Variants in PCDHA3 observed in about 807,000 individuals in gnomAD.
PCDHA3 encodes protocadherin alpha 3.
In PCDHA3, 41 loss-of-function variants were observed where a neutral mutation model predicts 62.2. The ratio of observed to expected loss-of-function variants is 0.66; its 90% confidence interval spans 0.51 to 0.86. The LOEUF (loss-of-function observed/expected upper bound fraction) is 0.86, where lower values mean the gene tolerates loss of function less well. Ranked by LOEUF, PCDHA3 falls within the 40% of genes least tolerant of loss-of-function variation. PCDHA3 has a pLI of 0.00. For synonymous variants in PCDHA3, 640 were observed against 555.4 expected (o/e 1.15, Z -2.14); for missense variants, 1,304 against 1,241.2 (o/e 1.05, Z -0.76).
chr5:140,864,439 T>A (rs2048478325), intron 1 of PCDHA3: 1 of 152,242 alleles, frequency 6.6e-6, no homozygotes, highest in South Asian at 2.1e-4. Flanking sequence ...CAATTTTGTT[T>A]CTTCATGATC....
rs2098419434 is a variant in PCDHA3, at chr5:141,011,100, CT to C, written c.*1164del. ...AAATGATCTCTCTTTCTCTCTCTCT[CT>C]CTCTTTTCTAAGAAACAATTATGTG... On this transcript the variant is annotated 3_prime_UTR_variant, in exon 4 of 4. Coordinates refer to ENST00000522353, the MANE Select transcript of PCDHA3 (RefSeq NM_018906.3). The C allele has an allele frequency of 1.3e-5, 2 of 153,772 alleles. No individual in the cohort carries two copies. Among genetic ancestry groups the C allele is most frequent in the Admixed American group, 6.5e-5 (1 of 15,290 alleles). The allele number at this position is 153,772 out of a possible 1,614,324, so 9.5% of individuals were successfully genotyped here.
In PCDHA3 at chr5:140,803,609, A is replaced by G. The variant is rs1554122900; in HGVS notation, c.2394+18A>G. Reference sequence around the variant, plus strand: ...CAGCCAAAGTGAGTAATTTTTATTTATTCTTTCCAAAATGTCTTTGTTTTT... The same window carrying G: ...CAGCCAAAGTGAGTAATTTTTATTTGTTCTTTCCAAAATGTCTTTGTTTTT... On this transcript the variant is annotated intron_variant, in intron 1 of 3. Coordinates refer to ENST00000522353, the MANE Select transcript of PCDHA3 (RefSeq NM_018906.3). 1 of 1,613,950 alleles carries G rather than the reference A, an allele frequency of 6.2e-7. No homozygotes were observed. Among genetic ancestry groups the G allele is most frequent in the Admixed American group, 1.7e-5 (1 of 59,980 alleles).
chr5:140,827,082 CTA>C (rs1169627536), intron 1 of PCDHA3, among the ~76,000 whole-genome samples: 2 of 152,100 alleles, frequency 1.3e-5, no homozygotes, highest in African/African-American at 2.4e-5. Context: ...ATTTAACAAA[CTA>C]TTTTCTAGGA....
Position 140,910,016 on chromosome 5 carries a change from G to C in PCDHA3, c.2395-68933G>C, listed in dbSNP as rs375687025. Among the ~76,000 whole-genome samples the C allele has an allele frequency of 3.5e-4, 54 of 152,290 alleles. No individual in the cohort carries two copies. The South Asian group carries it at 0.011, about 32-fold the overall frequency. ...ATAAATTGTTGTCAGTGTCATCCTT[G>C]TATCCCTGGGATAAATCCCACTTGG... On this transcript the variant is annotated intron_variant, in intron 1 of 3. Coordinates refer to ENST00000522353, the MANE Select transcript of PCDHA3 (RefSeq NM_018906.3).
intron 1 of PCDHA3, chr5:140,808,552 C>T: frequency 2.5e-6 from 4 of 1,614,114 alleles, no homozygotes; most frequent in Non-Finnish European, 2.5e-6. Flanking sequence ...CTCCGGCGTT[C>T]GCGCAGCCCG....
intron 3 of PCDHA3, among the ~76,000 whole-genome samples, chr5:140,983,386 A>G (rs1426409765): frequency 2.6e-5 from 4 of 152,216 alleles, no homozygotes. Context: ...TCGCTGTGGC[A>G]GTTTTCAGAA....
At chr5:140,993,917 A>G (rs779939413) in intron 3 of PCDHA3, among the ~76,000 whole-genome samples, 1 of 152,190 alleles carries the variant, frequency 6.6e-6, no homozygotes, top group Admixed American at 6.5e-5. Flanking sequence ...CTAGTGATGC[A>G]TTTCTCAGAA....
chr5:140,853,370 G>T lies in PCDHA3; in HGVS notation c.2394+49779G>T, dbSNP rs1365315114. On this transcript the variant is annotated intron_variant, in intron 1 of 3. Coordinates refer to ENST00000522353, the MANE Select transcript of PCDHA3 (RefSeq NM_018906.3). ...CATGAACTCACAGGGATCCAGAGAT[G>T]GTAAAATTCAAAACAGCCTGTCAAG... 3 of 983,178 alleles carry T rather than the reference G, an allele frequency of 3.1e-6. 1 individual carries two copies. The highest frequency in any genetic ancestry group is 3.7e-6 in the Non-Finnish European group (3 of 815,894). The allele number at this position is 983,178 out of a possible 1,614,324, so 60.9% of individuals were successfully genotyped here. A position where few individuals can be genotyped will look rare whatever the true frequency, so the allele number is the denominator to read the frequency against.
intron 1 of PCDHA3, chr5:140,967,771 G>A (rs1554229926): frequency 1.2e-6 from 2 of 1,614,222 alleles, no homozygotes; most frequent in Non-Finnish European, 1.7e-6. Context: ...AGATCTATGT[G>A]CAGGCGACTG....
chr5:140,866,156 GAA>G (rs1441624325), intron 1 of PCDHA3: 1 of 152,104 alleles, frequency 6.6e-6, no homozygotes, highest in Admixed American at 6.5e-5. Flanking sequence ...ATATAAGTAA[GAA>G]TCGTTTAACA....
chr5:140,850,738 G>A lies in PCDHA3; in HGVS notation c.2394+47147G>A. ...GTGTGTTCTAGCGCGGTGGGGAGTT[G>A]GTCGTACTCGCAGCAGAGGAGGCAG... On this transcript the variant is annotated intron_variant, in intron 1 of 3. Transcript: ENST00000522353. 8 of 1,597,962 alleles carry A rather than the reference G, an allele frequency of 5.0e-6. 2 individuals carry two copies. The highest frequency in any genetic ancestry group is 6.9e-6 in the Non-Finnish European group (8 of 1,167,602).
rs2042053771 is a variant in PCDHA3, at chr5:140,851,409, G to T, written c.2394+47818G>T. The T allele has an allele frequency of 1.7e-5, 16 of 964,844 alleles. 3 individuals are homozygous for T. Among genetic ancestry groups the T allele is most frequent in the Non-Finnish European group, 1.6e-5 (13 of 797,918 alleles). The allele number at this position is 964,844 out of a possible 1,614,324, so 59.8% of individuals were successfully genotyped here. On this transcript the variant is annotated intron_variant, in intron 1 of 3. Transcript: ENST00000522353. ...CAGTATCTATTATTTTAATAAGAAA[G>T]AAACTTCCCCTAAACTTTAGAAAAC...
In PCDHA3 at chr5:140,849,585, C is replaced by A. The variant is rs147876741; in HGVS notation, c.2394+45994C>A. 8 of 1,598,624 alleles carry A rather than the reference C, an allele frequency of 5.0e-6. No homozygotes were observed. Among genetic ancestry groups the A allele is most frequent in the Admixed American group, 3.4e-5 (2 of 59,262 alleles). ...CTCGGTTCCTGTAAAAGAGGACGCA[C>A]AACTGGGGACAGTTATTGCCCTGAT... is the stretch of plus-strand genomic sequence containing the variant. On this transcript the variant is annotated intron_variant, in intron 1 of 3. Transcript: ENST00000522353.
intron 1 of PCDHA3, among the ~76,000 whole-genome samples, chr5:140,819,989 T>C (rs920355948): frequency 1.3e-5 from 2 of 152,044 alleles, no homozygotes; most frequent in Non-Finnish European, 2.9e-5. Flanking sequence ...GTGTATTTTG[T>C]ATAAAATTCT....
intron 1 of PCDHA3, chr5:140,849,310 G>A (rs2150434559): frequency 3.1e-6 from 4 of 1,307,514 alleles, no homozygotes; most frequent in African/African-American, 1.7e-5. Flanking sequence ...TTAGACGAAG[G>A]CTTGAATGGG....
Position 140,801,632 on chromosome 5 carries a change from C to T in PCDHA3, c.435C>T (p.Ser145=), listed in dbSNP as rs1554121599. 2.5e-6 allele frequency: 4 copies of T among 1,614,034 alleles called. No homozygotes were observed. The South Asian group carries it at 4.4e-5, about 18-fold the overall frequency. ...TAAAGAATCTGTTTATTTCCGAATC[C>T]CGACAGCCTGGCTCTCGGTTTTCGC... The part of the protein sequence containing the change: ...MAVKNLFISE[S]RQPGSRFSLE... Residue 145 remains serine, a synonymous_variant, in exon 1 of 4, where the codon TCC becomes TCT. Coordinates refer to ENST00000522353, the MANE Select transcript of PCDHA3 (RefSeq NM_018906.3).
chr5:140,849,846 A>T, intron 1 of PCDHA3: 5 of 1,598,504 alleles, frequency 3.1e-6, no homozygotes, highest in Non-Finnish European at 4.3e-6. Flanking sequence ...CGTGAACGAC[A>T]ACGCACCAGC....
chr5:140,946,631 T>TACAC (rs374022482), intron 1 of PCDHA3, among the ~76,000 whole-genome samples: 1 of 131,846 alleles, frequency 7.6e-6, no homozygotes, highest in Non-Finnish European at 1.5e-5. Flanking sequence ...TATATATATA[T>TACAC]ACAATGGAAT....
chr5:140,962,787 C>T (rs2095707732), intron 1 of PCDHA3, among the ~76,000 whole-genome samples: 1 of 152,224 alleles, frequency 6.6e-6, no homozygotes, highest in Non-Finnish European at 1.5e-5. Context: ...TTTTTAAAAA[C>T]TACTTTGGAC....
Sources: allele counts gnomAD v4.1 joint callset (sites outside exome capture counted in the v4.1 genomes callset), GRCh38; gene constraint gnomAD v4.1.1; transcripts MANE v1.5; gene names NCBI Gene and HGNC (gene_info 2026-07-23, HGNC 2026-07-21).